Variants in LRRC9 observed in about 807,000 individuals in gnomAD.
LRRC9 encodes the protein leucine rich repeat containing 9, also known as leucine-rich repeat-containing protein 9.
LRRC9 carries 122 observed loss-of-function variants against 63.2 expected under a neutral mutation model. The observed-to-expected ratio is 1.93, with a 90% confidence interval of 1.67 to 2.24. LRRC9 has a LOEUF of 2.24. Among genes scored for constraint, LRRC9 ranks in the 30% most tolerant of loss-of-function variants. The probability of loss-of-function intolerance (pLI) is 0.00; values close to 1 mark genes in which losing one functional copy is unlikely to be tolerated. For synonymous variants in LRRC9, 366 were observed against 213.1 expected (o/e 1.72, Z -6.25); for missense variants, 1,071 against 627.7 (o/e 1.71, Z -7.55).
chr14:59,976,064 C>T (rs1246329442), intron 13 of LRRC9, among the ~76,000 whole-genome samples: 2 of 152,212 alleles, frequency 1.3e-5, no homozygotes, highest in East Asian at 3.8e-4. Context: ...ACCGCACATG[C>T]GAGGGATCTG....
chr14:59,959,112 G>T (rs1349965305), intron 8 of LRRC9, among the ~76,000 whole-genome samples: 1 of 152,306 alleles, frequency 6.6e-6, no homozygotes, highest in Non-Finnish European at 1.5e-5. Context: ...GCTGAGATTA[G>T]AGTTAGACAA....
At position 59,932,173 on chromosome 14, in the gene LRRC9, A is replaced by G. The variant is rs1307905904; in HGVS notation, c.543+134A>G. 1.1e-5 allele frequency: 6 copies of G among 570,254 alleles called. No individual in the cohort carries two copies. In the East Asian group the frequency reaches 1.5e-4, roughly 14 times the overall value. 35.3% of individuals were successfully genotyped at this position (570,254 alleles called of 1,614,324 possible). ...TTGGGCTGATGCTCCAGGAAATTTG[A>G]AAGTCATCTGACTACATTGGCCTTA... On this transcript the variant is annotated intron_variant, in intron 6 of 31. Coordinates refer to ENST00000445360, the Ensembl canonical transcript of LRRC9. This position sits in a 1 kb window ranked among gnomAD's most constrained non-coding sequence, Gnocchi z 4.7.
Position 59,932,496 on chromosome 14 carries a change from CT to C in LRRC9, c.543+459del, listed in dbSNP as rs1333751674. 6.6e-6 allele frequency among the ~76,000 whole-genome samples: 1 copy of C among 152,098 alleles called. No individual in the cohort carries two copies. Among genetic ancestry groups the C allele is most frequent in the Non-Finnish European group, 1.5e-5 (1 of 67,980 alleles). ...CAACTCTCCAGAACTGTACACATATCTTAATGCAAACTAATTTTTCCTCTAC... is the reference window on the plus strand; with the variant it reads ...CAACTCTCCAGAACTGTACACATATCTAATGCAAACTAATTTTTCCTCTAC... On this transcript the variant is annotated intron_variant, in intron 6 of 31. Coordinates refer to ENST00000445360, the Ensembl canonical transcript of LRRC9. This position sits in a 1 kb window ranked among gnomAD's most constrained non-coding sequence, Gnocchi z 4.7.
Position 60,003,617 on chromosome 14 carries a change from A to G in LRRC9, c.2665-4A>G. On this transcript the variant is annotated splice_polypyrimidine_tract_variant and splice_region_variant and intron_variant, in intron 20 of 31. Coordinates refer to ENST00000445360, the Ensembl canonical transcript of LRRC9. The surrounding 1 kb of genome is among the most constrained non-coding windows in gnomAD (Gnocchi z 4.2). Reference sequence around the variant, plus strand: ...AATAACATACAATGTAAATTATTCTACAGATAACTGCCTTAAATTTAGATG... The same window carrying G: ...AATAACATACAATGTAAATTATTCTGCAGATAACTGCCTTAAATTTAGATG... 1.5e-6 allele frequency: 1 copy of G among 661,786 alleles called. No homozygotes were observed. The highest frequency in any genetic ancestry group is 2.7e-6 in the Non-Finnish European group (1 of 370,968). 41.0% of individuals were successfully genotyped at this position (661,786 alleles called of 1,614,324 possible).
In LRRC9 at chr14:60,042,730, C is replaced by T. The variant is rs1000734489; in HGVS notation, c.3991-10335C>T. On this transcript the variant is annotated intron_variant, in intron 29 of 31. Transcript: ENST00000445360. This position sits in a 1 kb window ranked among gnomAD's most constrained non-coding sequence, Gnocchi z 4.2. ...GGCAATGCCCTGTCCTGCTTTGGCT[C>T]ATGCTCCGTGGGCTGCACCTATTGT... Among the ~76,000 whole-genome samples the T allele has an allele frequency of 2.0e-5, 3 of 152,054 alleles. No individual in the cohort carries two copies. The highest frequency in any genetic ancestry group is 6.5e-5 in the Admixed American group (1 of 15,270).
chr14:59,999,841 A>G (rs219365), intron 19 of LRRC9, among the ~76,000 whole-genome samples: 113,143 of 151,840 alleles, frequency 0.75, 44,325 homozygotes, highest in Non-Finnish European at 0.87. Context: ...TTTTTTATTG[A>G]TAAAAAATAA....
chr14:60,062,250 C>A, intron 31 of LRRC9, 71 bp downstream of exon 32: 1 of 397,072 alleles, frequency 2.5e-6, no homozygotes, highest in South Asian at 1.4e-4. Context: ...ATTTGCTAGT[C>A]ATGTATAACA....
At chr14:59,943,059 T>C (rs1467689091) in intron 7 of LRRC9, among the ~76,000 whole-genome samples, 1 of 152,140 alleles carries the variant, frequency 6.6e-6, no homozygotes, top group Non-Finnish European at 1.5e-5. Context: ...TTGTATATTC[T>C]GGATATAAGA....
chr14:59,951,770 G>C (rs981739934), intron 8 of LRRC9, among the ~76,000 whole-genome samples: 1 of 152,098 alleles, frequency 6.6e-6, no homozygotes, highest in East Asian at 1.9e-4. Flanking sequence ...TGAGGTGTCA[G>C]TGTGCCCCTG....
rs560019432 is a variant in LRRC9 at position 60,048,352 on chromosome 14, G to A, written c.3991-4713G>A. Among the ~76,000 whole-genome samples, 28 of 152,078 alleles carry A rather than the reference G, an allele frequency of 1.8e-4. No individual in the cohort carries two copies. In the East Asian group the frequency reaches 3.9e-3, roughly 21 times the overall value. On this transcript the variant is annotated intron_variant, in intron 29 of 31. Coordinates refer to ENST00000445360, the Ensembl canonical transcript of LRRC9. ...TTCAAAAAATCAACAACTCCAGGAC[G>A]TGGTTTTTTGAAAAAATTAATAAAA...
chr14:60,021,593 T>C (rs1001043108), intron 26 of LRRC9, among the ~76,000 whole-genome samples: 3 of 151,926 alleles, frequency 2.0e-5, no homozygotes, highest in Non-Finnish European at 4.4e-5. Flanking sequence ...TCTTGTTTTC[T>C]TTAAAAAGTT....
intron 10 of LRRC9, among the ~76,000 whole-genome samples, chr14:59,961,604 A>G (rs1884359564): frequency 6.6e-6 from 1 of 152,152 alleles, no homozygotes; most frequent in Admixed American, 6.6e-5. Flanking sequence ...CATAAAGTAT[A>G]TGCTTATACC....
At chr14:59,987,231 T>G (rs1435329514) in intron 17 of LRRC9, among the ~76,000 whole-genome samples, 2 of 151,812 alleles carry the variant, frequency 1.3e-5, no homozygotes, top group African/African-American at 4.8e-5. Context: ...GATTTTTTCC[T>G]GATAGTTCTG....
chr14:60,058,822 G>GT lies in LRRC9; in HGVS notation c.4276+806dup, dbSNP rs1894467077. ...AAGTAGACTGTTCCATGTGATTAAA[G>GT]TTTTTTAAAGAAACCCACTGAAAAA... On this transcript the variant is annotated intron_variant, in intron 31 of 31. Coordinates refer to ENST00000445360, the Ensembl canonical transcript of LRRC9. This position sits in a 1 kb window ranked among gnomAD's most constrained non-coding sequence, Gnocchi z 4.4. 6.6e-6 allele frequency among the ~76,000 whole-genome samples: 1 copy of GT among 152,026 alleles called. No individual in the cohort carries two copies. Among genetic ancestry groups the GT allele is most frequent in the Non-Finnish European group, 1.5e-5 (1 of 67,984 alleles).
At position 59,958,065 on chromosome 14, in the gene LRRC9, C is replaced by A. The variant is rs1267435165; in HGVS notation, c.883-1753C>A. On this transcript the variant is annotated intron_variant, in intron 8 of 31. Transcript: ENST00000445360. The surrounding 1 kb of genome is among the most constrained non-coding windows in gnomAD (Gnocchi z 4.0). ...CTCTCCTGTATGAGGTGTCTGTCGA[C>A]CCCTGTTGGGGTATGTCTCCCAGTC... Among the ~76,000 whole-genome samples, 1 of 152,196 alleles carries A rather than the reference C, an allele frequency of 6.6e-6. No homozygotes were observed. The highest frequency in any genetic ancestry group is 6.5e-5 in the Admixed American group (1 of 15,282).
At chr14:59,987,400 T>C (rs190175466) in intron 17 of LRRC9, among the ~76,000 whole-genome samples, 9 of 49,562 alleles carry the variant, frequency 1.8e-4, no homozygotes, top group East Asian at 9.0e-4. Context: ...AAACAGAAAA[T>C]GTAGGCCAAC....
intron 7 of LRRC9, among the ~76,000 whole-genome samples, chr14:59,939,564 G>A (rs558164180): frequency 6.6e-6 from 1 of 152,094 alleles, no homozygotes; most frequent in African/African-American, 2.4e-5. Flanking sequence ...TGGATGGTTC[G>A]ATGCATGTTC....
chr14:60,016,881 C>G, intron 24 of LRRC9, 91 bp downstream of exon 24: 1 of 531,288 alleles, frequency 1.9e-6, no homozygotes, highest in East Asian at 2.9e-5. Flanking sequence ...TACAACTTAC[C>G]TAAATATAAT....
chr14:60,005,208 G>C (rs1306557675), intron 21 of LRRC9, among the ~76,000 whole-genome samples: 5 of 151,958 alleles, frequency 3.3e-5, no homozygotes, highest in Non-Finnish European at 5.9e-5. Context: ...TCTTGATCAT[G>C]AGAATCACTT....
Sources: gnomAD v4.1 joint callset for allele counts (sites outside exome capture counted in the v4.1 genomes callset) on GRCh38, gnomAD v4.1.1 for gene constraint, Gnocchi (gnomAD v3.1) non-coding constraint, MANE v1.5 for transcripts, NCBI Gene and HGNC (gene_info 2026-07-23, HGNC 2026-07-21) for gene names.